Variants in KCNJ3 observed in about 807,000 individuals in gnomAD.
KCNJ3 encodes the protein potassium inwardly rectifying channel subfamily J member 3, also known as G protein-activated inward rectifier potassium channel 1.
In KCNJ3, 4 loss-of-function variants were observed where a neutral mutation model predicts 39.2. The observed-to-expected ratio is 0.10, with a 90% confidence interval of 0.05 to 0.23. The LOEUF (loss-of-function observed/expected upper bound fraction) is 0.23. Ranked by LOEUF, KCNJ3 falls within the 10% of genes least tolerant of loss-of-function variation. The pLI is 1.00. For missense variants in KCNJ3, 276 were observed against 634.9 expected (o/e 0.43, Z 6.08); for synonymous variants, 230 against 237.4 (o/e 0.97, Z 0.29).
At chr2:154,798,431 G>C (rs1444286543) in intron 2 of KCNJ3, among the ~76,000 whole-genome samples, 1 of 152,060 alleles carries the variant, frequency 6.6e-6, no homozygotes, top group Non-Finnish European at 1.5e-5. Context: ...TTATTCTAAA[G>C]TCTATCTGGA....
chr2:154,796,027 T>C (rs536018427), intron 2 of KCNJ3, among the ~76,000 whole-genome samples: 11 of 152,246 alleles, frequency 7.2e-5, no homozygotes, highest in Admixed American at 5.9e-4. Flanking sequence ...CCCTACTAGA[T>C]TGCAAATTTC....
chr2:154,729,580 T>C (rs1685417526), intron 2 of KCNJ3, among the ~76,000 whole-genome samples: 1 of 152,140 alleles, frequency 6.6e-6, no homozygotes, highest in Non-Finnish European at 1.5e-5. Context: ...TTTGAAAGTG[T>C]TTTTCAGTAG....
At chr2:154,700,480 A>G (rs527744318) in intron 1 of KCNJ3, among the ~76,000 whole-genome samples, 20 of 152,336 alleles carry the variant, frequency 1.3e-4, no homozygotes, top group African/African-American at 4.1e-4. Context: ...GATTTGTCTT[A>G]GTAGTTTTCA....
chr2:154,738,969 C>A (rs1445827348), intron 2 of KCNJ3, among the ~76,000 whole-genome samples: 1 of 151,876 alleles, frequency 6.6e-6, no homozygotes, highest in Non-Finnish European at 1.5e-5. Flanking sequence ...AGAAACCCAC[C>A]CAAAGTTCTT....
At position 154,791,118 on chromosome 2, in the gene KCNJ3, T is replaced by C. The variant is rs144679918; in HGVS notation, c.920-63609T>C. ...GAAGCCTCACCCCACTGTTGGCCGG[T>C]GAGATTTGCTGGTCTTTCCTGATCT... On this transcript the variant is annotated intron_variant, in intron 2 of 2. Coordinates refer to ENST00000295101, the MANE Select transcript of KCNJ3 (RefSeq NM_002239.4). Among the ~76,000 whole-genome samples the C allele has an allele frequency of 3.8e-3, 578 of 151,978 alleles. 3 individuals carry two copies. Among genetic ancestry groups the C allele is most frequent in the African/African-American group, 0.013 (553 of 41,468 alleles).
intron 2 of KCNJ3, among the ~76,000 whole-genome samples, chr2:154,847,067 A>C (rs754539150): frequency 2.6e-5 from 4 of 152,168 alleles, no homozygotes; most frequent in Non-Finnish European, 4.4e-5. Flanking sequence ...TTTTGAGCAG[A>C]ATATGTGGAG....
At chr2:154,751,458 C>G (rs1191175698) in intron 2 of KCNJ3, among the ~76,000 whole-genome samples, 1 of 151,834 alleles carries the variant, frequency 6.6e-6, no homozygotes, top group African/African-American at 2.4e-5. Flanking sequence ...TTATTAATAT[C>G]TAGTTTAGTT....
intron 2 of KCNJ3, among the ~76,000 whole-genome samples, chr2:154,797,555 T>C (rs1378109849): frequency 6.6e-6 from 1 of 152,114 alleles, no homozygotes; most frequent in Non-Finnish European, 1.5e-5. Flanking sequence ...GTTGCTGTTT[T>C]CAGTGTTATT....
intron 2 of KCNJ3, among the ~76,000 whole-genome samples, chr2:154,816,689 A>T (rs996149255): frequency 5.9e-5 from 9 of 152,212 alleles, no homozygotes; most frequent in Non-Finnish European, 1.2e-4. Context: ...TTTTGAATAC[A>T]TCAGCAGATG....
chr2:154,724,475 A>G (rs554419914), intron 2 of KCNJ3, among the ~76,000 whole-genome samples: 3 of 152,108 alleles, frequency 2.0e-5, no homozygotes, highest in Non-Finnish European at 4.4e-5. Flanking sequence ...AACTTTTCGT[A>G]CAGCTCGAGA....
intron 2 of KCNJ3, among the ~76,000 whole-genome samples, chr2:154,752,112 T>C (rs1268510657): frequency 6.6e-6 from 1 of 152,076 alleles, no homozygotes; most frequent in Non-Finnish European, 1.5e-5. Flanking sequence ...AGTAATTTCC[T>C]TTTATACATT....
In KCNJ3 at chr2:154,716,949, C is replaced by T. The variant is rs187761919; in HGVS notation, c.919+7130C>T. Among the ~76,000 whole-genome samples the T allele has an allele frequency of 2.4e-3, 368 of 152,256 alleles. 1 individual carries two copies. The highest frequency in any genetic ancestry group is 4.4e-3 in the Admixed American group (68 of 15,286). ...GTATAAGATTGATTAAGGAGAAAGTCCATAGTCCAGAGGGAAAAACGAACT... is the reference window on the plus strand; with the variant it reads ...GTATAAGATTGATTAAGGAGAAAGTTCATAGTCCAGAGGGAAAAACGAACT... On this transcript the variant is annotated intron_variant, in intron 2 of 2. Transcript: ENST00000295101.
intron 2 of KCNJ3, among the ~76,000 whole-genome samples, chr2:154,755,240 A>G (rs1219705563): frequency 1.3e-5 from 2 of 152,018 alleles, no homozygotes; most frequent in African/African-American, 4.8e-5. Flanking sequence ...AATTTATTCT[A>G]TTACCATTCT....
rs1687852739 is a variant in KCNJ3, at chr2:154,857,139, A to G, written c.*1826A>G. 6.6e-6 allele frequency: 1 copy of G among 152,180 alleles called. No individual in the cohort carries two copies. The highest frequency in any genetic ancestry group is 2.4e-5 in the African/African-American group (1 of 41,440). 9.4% of individuals were successfully genotyped at this position (152,180 alleles called of 1,614,324 possible). On this transcript the variant is annotated 3_prime_UTR_variant, in exon 3 of 3. Transcript: ENST00000295101. ...GCAAAATGATCAATCTGGAGTGTGC[A>G]TCCACTGTGAATGGAGCAAATTGCC...
intron 2 of KCNJ3, among the ~76,000 whole-genome samples, chr2:154,784,574 C>T (rs781316776): frequency 7.2e-5 from 11 of 151,972 alleles, no homozygotes; most frequent in African/African-American, 2.4e-4. Context: ...GTAGAGACAG[C>T]GTTTCACCAT....
chr2:154,806,936 C>G (rs1686922462), intron 2 of KCNJ3, among the ~76,000 whole-genome samples: 3 of 152,180 alleles, frequency 2.0e-5, no homozygotes, highest in African/African-American at 7.2e-5. Context: ...TCACCTTGGT[C>G]TCAAAGACGG....
chr2:154,754,249 A>G, intron 2 of KCNJ3, among the ~76,000 whole-genome samples: 1 of 152,168 alleles, frequency 6.6e-6, no homozygotes, highest in East Asian at 1.9e-4. Context: ...GCACTCCTTC[A>G]ATAAACCTTA....
At chr2:154,779,364 C>T (rs1294462398) in intron 2 of KCNJ3, among the ~76,000 whole-genome samples, 1 of 150,578 alleles carries the variant, frequency 6.6e-6, no homozygotes. Context: ...CATGAGAGCT[C>T]CTCCTAGCAT....
intron 2 of KCNJ3, among the ~76,000 whole-genome samples, chr2:154,852,532 A>G (rs1030354221): frequency 6.6e-6 from 1 of 152,192 alleles, no homozygotes; most frequent in Admixed American, 6.5e-5. Context: ...GGCTGCTTTT[A>G]GGGAGAAAAT....
Sources: gnomAD v4.1 joint callset for allele counts (sites outside exome capture counted in the v4.1 genomes callset) on GRCh38, gnomAD v4.1.1 for gene constraint, MANE v1.5 for transcripts, NCBI Gene and HGNC (gene_info 2026-07-23, HGNC 2026-07-21) for gene names.